The following HECW2 variants were observed in gnomAD, a reference collection of about 807,000 sequenced individuals.
The protein encoded by HECW2 is E3 ubiquitin-protein ligase HECW2.
Under a neutral mutation model 175.2 loss-of-function variants are expected in HECW2, and 61 were observed. That is an observed-to-expected ratio of 0.35 (90% CI 0.28 to 0.43). HECW2 has a LOEUF of 0.43. HECW2 is among the 20% of genes least tolerant of loss of function. The pLI is 1.00. For missense variants in HECW2, 1,524 were observed against 2,000.5 expected (o/e 0.76, Z 4.54); for synonymous variants, 671 against 731.0 (o/e 0.92, Z 1.32).
At chr2:196,230,878 C>T (rs2375681) in intron 21 of HECW2, among the ~76,000 whole-genome samples, 120,557 of 151,800 alleles carry the variant, frequency 0.79, 50,272 homozygotes, top group Non-Finnish European at 0.92. Flanking sequence ...CTGAGGCAGG[C>T]GGATCACGAG....
At chr2:196,505,746 C>T (rs1346259392) in intron 1 of HECW2, among the ~76,000 whole-genome samples, 53 of 152,076 alleles carry the variant, frequency 3.5e-4, no homozygotes, top group Admixed American at 3.3e-3. Flanking sequence ...TAGATTTATA[C>T]TAATAAATTT....
intron 1 of HECW2, among the ~76,000 whole-genome samples, chr2:196,505,671 A>G (rs1324292803): frequency 6.6e-6 from 1 of 152,262 alleles, no homozygotes; most frequent in Non-Finnish European, 1.5e-5. Context: ...ATACACAAGT[A>G]AAACCAGAAT....
chr2:196,292,520 GC>G, intron 14 of HECW2, 44 bp downstream of exon 14: 1 of 1,551,114 alleles, frequency 6.4e-7, no homozygotes, highest in Non-Finnish European at 8.8e-7. Context: ...GCCACAAGCA[GC>G]CCACAGGCAT....
chr2:196,362,857 A>T (rs1693637030), intron 2 of HECW2, among the ~76,000 whole-genome samples: 1 of 152,292 alleles, frequency 6.6e-6, no homozygotes, highest in Admixed American at 6.5e-5. Context: ...TGCTGGTTTA[A>T]TGTAATCAAA....
intron 1 of HECW2, among the ~76,000 whole-genome samples, chr2:196,522,607 G>A (rs1469506190): frequency 1.3e-5 from 2 of 151,988 alleles, no homozygotes. Flanking sequence ...TTTTTATGGT[G>A]TTAGGTCTAA....
chr2:196,499,406 A>G (rs1431757231), intron 1 of HECW2, among the ~76,000 whole-genome samples: 3 of 152,130 alleles, frequency 2.0e-5, no homozygotes, highest in Non-Finnish European at 4.4e-5. Flanking sequence ...TTTTTAATCA[A>G]TGCAGGTTTC....
chr2:196,561,456 C>T (rs1384266516), intron 1 of HECW2, among the ~76,000 whole-genome samples: 2 of 152,162 alleles, frequency 1.3e-5, no homozygotes, highest in Non-Finnish European at 2.9e-5. Flanking sequence ...GCCTTGTGAT[C>T]TTTTGTTGCC....
chr2:196,555,437 A>C (rs1689760664), intron 1 of HECW2, among the ~76,000 whole-genome samples: 1 of 152,174 alleles, frequency 6.6e-6, no homozygotes, highest in Non-Finnish European at 1.5e-5. Context: ...GCCACCTCCT[A>C]ATACCATCAC....
chr2:196,501,886 T>G (rs1340484487), intron 1 of HECW2, among the ~76,000 whole-genome samples: 1 of 152,192 alleles, frequency 6.6e-6, no homozygotes, highest in Admixed American at 6.5e-5. Context: ...GTATATAATA[T>G]TTTCCTAAGC....
chr2:196,292,331 G>A (rs1156783997), intron 14 of HECW2: 1 of 455,042 alleles, frequency 2.2e-6, no homozygotes. Flanking sequence ...CCAGGGAGAA[G>A]TGAATGCTTT....
At chr2:196,527,522 G>A (rs1268840569) in intron 1 of HECW2, among the ~76,000 whole-genome samples, 1 of 152,184 alleles carries the variant, frequency 6.6e-6, no homozygotes, top group Non-Finnish European at 1.5e-5. Flanking sequence ...TTTTAATCCA[G>A]CCACTATGAA....
intron 1 of HECW2, among the ~76,000 whole-genome samples, chr2:196,559,826 A>C (rs1689936098): frequency 6.6e-6 from 1 of 152,216 alleles, no homozygotes; most frequent in African/African-American, 2.4e-5. Context: ...CACAAGGTAC[A>C]GTGTGGGAAG....
intron 13 of HECW2, among the ~76,000 whole-genome samples, chr2:196,297,313 C>T (rs1272476187): frequency 6.6e-6 from 1 of 152,182 alleles, no homozygotes; most frequent in Non-Finnish European, 1.5e-5. Flanking sequence ...GAAATAAGCA[C>T]TTGATGGTTG....
chr2:196,349,519 A>ATGTG (rs1344839065), intron 2 of HECW2, among the ~76,000 whole-genome samples: 1 of 136,250 alleles, frequency 7.3e-6, no homozygotes, highest in African/African-American at 3.2e-5. Flanking sequence ...GAAAAGTGAA[A>ATGTG]CGTGTGTGTG....
chr2:196,450,197 T>C (rs1425963668), intron 1 of HECW2, among the ~76,000 whole-genome samples: 1 of 152,206 alleles, frequency 6.6e-6, no homozygotes, highest in Admixed American at 6.5e-5. Flanking sequence ...AGAACTTCAG[T>C]AATACAATGG....
chr2:196,279,479 T>G (rs1010503863), intron 14 of HECW2, among the ~76,000 whole-genome samples: 2 of 152,202 alleles, frequency 1.3e-5, no homozygotes. Context: ...CCCCATTATT[T>G]TGGGACTTTA....
intron 13 of HECW2, among the ~76,000 whole-genome samples, chr2:196,300,997 C>T (rs1197560000): frequency 6.6e-6 from 1 of 152,102 alleles, no homozygotes; most frequent in East Asian, 1.9e-4. Context: ...GCCCAGCATC[C>T]ATTAACTATT....
intron 17 of HECW2, 62 bp downstream of exon 17, chr2:196,271,130 TA>T: frequency 2.1e-6 from 2 of 959,330 alleles, no homozygotes; most frequent in Non-Finnish European, 1.6e-6. Flanking sequence ...CAACTATCAG[TA>T]AAACTAAGAT....
rs1229025091 is a variant in HECW2, at chr2:196,228,104, T to G, written c.3915A>C (p.Glu1305Asp). 1 of 1,570,274 alleles carries G rather than the reference T, an allele frequency of 6.4e-7. No individual in the cohort carries two copies. Among genetic ancestry groups the G allele is most frequent in the East Asian group, 2.3e-5 (1 of 43,308 alleles). Residue 1305 changes from glutamate (E) to aspartate (D), a missense_variant and splice_region_variant, in exon 22 of 29, where the codon GAA (glutamate) becomes GAC (aspartate). Glu to Asp is a conservative substitution (Grantham distance 45). Around this residue, in one of 11 missense-constraint regions of HECW2, gnomAD observed 16 missense variants for 23.9 expected, o/e 0.67. Transcript: ENST00000644978. ...PMSAFVDNHH[E>D]WFRFSGRILG... is the part of the protein sequence containing the mutation. ...AGTGTTGGGGAAAAAATACTTACCA[T>G]TCATGGTGATTGTCTACAAAAGCAG...
Sources: gnomAD v4.1 joint callset for allele counts (sites outside exome capture counted in the v4.1 genomes callset) on GRCh38, gnomAD v4.1.1 for gene constraint, gnomAD v4.1.1 regional missense constraint, MANE v1.5 for transcripts, NCBI Gene and HGNC (gene_info 2026-07-23, HGNC 2026-07-21) for gene names.